POU2F2: variants seen among roughly 807,000 people sequenced by gnomAD.
The protein encoded by POU2F2 is POU domain, class 2, transcription factor 2.
In POU2F2, 14 loss-of-function variants were observed where a neutral mutation model predicts 63.5. The ratio of observed to expected loss-of-function variants is 0.22; its 90% CI spans 0.15 to 0.34. POU2F2 has a LOEUF of 0.34. Ranked by LOEUF, POU2F2 falls within the 10% of genes least tolerant of loss-of-function variation. The pLI is 1.00. For missense variants in POU2F2, 607 were observed against 815.2 expected, an observed-to-expected ratio of 0.74 and a Z score of 3.11; for synonymous variants, 306 against 348.6, an observed-to-expected ratio of 0.88 and a Z score of 1.36.
intron 2 of POU2F2, among the ~76,000 whole-genome samples, chr19:42,137,861 G>A (rs1400726506): frequency 6.6e-6 from 1 of 152,208 alleles, no homozygotes; most frequent in African/African-American, 2.4e-5. Context: ...CCAGGCAATG[G>A]GAACAGAGGA....
At chr19:42,119,411 G>A (rs950452265) in intron 4 of POU2F2, among the ~76,000 whole-genome samples, 5 of 152,070 alleles carry the variant, frequency 3.3e-5, no homozygotes, top group Admixed American at 3.3e-4. Flanking sequence ...GCGGTGGCTC[G>A]CCCCTTAATC....
At chr19:42,137,143 T>C (rs2034030973), upstream of POU2F2, 1 of 152,184 alleles carries the variant, frequency 6.6e-6, no homozygotes, top group Non-Finnish European at 1.5e-5. Context: ...AAGCAACCCA[T>C]AGAGCTTATA....
intron 5 of POU2F2, among the ~76,000 whole-genome samples, chr19:42,115,820 T>A (rs947218748): frequency 6.6e-6 from 1 of 152,222 alleles, no homozygotes; most frequent in Non-Finnish European, 1.5e-5. Context: ...GGGTTGCAGA[T>A]GTAATCAAGT....
intron 1 of POU2F2, among the ~76,000 whole-genome samples, chr19:42,167,131 A>ATTT (rs2034668394): frequency 6.6e-6 from 1 of 152,208 alleles, no homozygotes; most frequent in Non-Finnish European, 1.5e-5. Context: ...CCTAAGAAGG[A>ATTT]AAATAAAGCA....
chr19:42,189,725 C>CG (rs1425569945), intron 1 of POU2F2, among the ~76,000 whole-genome samples: 1 of 151,728 alleles, frequency 6.6e-6, no homozygotes, highest in African/African-American at 2.4e-5. Flanking sequence ...TTGAGTGCGG[C>CG]GGGGGGAGTT....
chr19:42,096,037 C>T lies in POU2F2; in HGVS notation c.729+45G>A, dbSNP rs757596292. On this transcript the variant is annotated intron_variant, in intron 8 of 14. Transcript: ENST00000692977. The surrounding 1 kb of genome is among the most constrained non-coding windows in gnomAD (Gnocchi z 4.1). ...GCCCCTCGCGGCATCTATCAACTGG[C>T]CACGCCCCCACGCCCACCGCCCAGC... 6.2e-7 allele frequency: 1 copy of T among 1,609,178 alleles called. No homozygotes were observed. The highest frequency in any genetic ancestry group is 8.5e-7 in the Non-Finnish European group (1 of 1,177,790).
chr19:42,131,019 G>C (rs1388799660), intron 1 of POU2F2, among the ~76,000 whole-genome samples: 1 of 118,852 alleles, frequency 8.4e-6, no homozygotes, highest in African/African-American at 3.4e-5. Flanking sequence ...CCTCTGCTTG[G>C]GGCCTCCCTC....
At chr19:42,099,248 T>G in intron 7 of POU2F2, 1 of 375,932 alleles carries the variant, frequency 2.7e-6, no homozygotes, top group African/African-American at 2.0e-5. Flanking sequence ...TTTGGGGGAA[T>G]GGGGATCAGA....
At chr19:42,105,567 G>C (rs2077305842) in intron 5 of POU2F2, among the ~76,000 whole-genome samples, 1 of 152,160 alleles carries the variant, frequency 6.6e-6, no homozygotes, top group South Asian at 2.1e-4. Context: ...GTGTCTGTGG[G>C]TTTCGTTCTG....
chr19:42,096,008 C>T lies in POU2F2; in HGVS notation c.729+74G>A. 1 of 1,597,502 alleles carries T rather than the reference C, an allele frequency of 6.3e-7. No homozygotes were observed. Among genetic ancestry groups the T allele is most frequent in the Non-Finnish European group, 8.5e-7 (1 of 1,173,288 alleles). Reference sequence around the variant, plus strand: ...TGGGCCCGCTCCGCCCGCCCACTGGCCACGCCCCTCGCGGCATCTATCAAC... The same window carrying T: ...TGGGCCCGCTCCGCCCGCCCACTGGTCACGCCCCTCGCGGCATCTATCAAC... On this transcript the variant is annotated intron_variant, in intron 8 of 14. Transcript: ENST00000692977. The surrounding 1 kb of genome is among the most constrained non-coding windows in gnomAD (Gnocchi z 4.1).
chr19:42,174,391 C>G (rs886825912), intron 1 of POU2F2, among the ~76,000 whole-genome samples: 2 of 152,238 alleles, frequency 1.3e-5, no homozygotes, highest in Non-Finnish European at 2.9e-5. Context: ...TGAAGCCAGA[C>G]TCGGCACATG....
chr19:42,172,499 G>A (rs1445826648), intron 1 of POU2F2, among the ~76,000 whole-genome samples: 2 of 152,150 alleles, frequency 1.3e-5, no homozygotes, highest in Non-Finnish European at 1.5e-5. Flanking sequence ...GCCTCCTTCC[G>A]AATGCGTCAG....
At chr19:42,118,889 G>A (rs575691741) in intron 4 of POU2F2, among the ~76,000 whole-genome samples, 88 of 152,340 alleles carry the variant, frequency 5.8e-4, no homozygotes, top group African/African-American at 2.0e-3. Flanking sequence ...TGGCAGGGGG[G>A]TGATATTTGG....
intron 5 of POU2F2, among the ~76,000 whole-genome samples, chr19:42,112,489 C>A (rs2031257288): frequency 6.6e-6 from 1 of 152,218 alleles, no homozygotes; most frequent in South Asian, 2.1e-4. Context: ...CTTGCCTCAG[C>A]CACCCGAGTA....
At position 42,155,583 on chromosome 19, in the gene POU2F2, CTG is replaced by C. The variant is rs2034442737; in HGVS notation, c.-9+4747_-9+4748del. The C allele has an allele frequency of 6.6e-6, 1 of 152,386 alleles. No individual in the cohort carries two copies. Among genetic ancestry groups the C allele is most frequent in the African/African-American group, 2.4e-5 (1 of 41,436 alleles). The allele number at this position is 152,386 out of a possible 1,614,324, so 9.4% of individuals were successfully genotyped here. On this transcript the variant is annotated intron_variant, in intron 2 of 6. Transcript: ENST00000524801. The surrounding 1 kb of genome is among the most constrained non-coding windows in gnomAD (Gnocchi z 4.2). ...GTTTGAGAAAAGCAAGGGTGGATCA[CTG>C]TGTAAAGGACCTCAGAAGCTGTCCT...
chr19:42,129,686 G>A (rs1450380766), intron 1 of POU2F2, among the ~76,000 whole-genome samples: 2 of 152,134 alleles, frequency 1.3e-5, no homozygotes, highest in Non-Finnish European at 1.5e-5. Context: ...GTGCTGCCGG[G>A]AACCTCTGTG....
intron 1 of POU2F2, among the ~76,000 whole-genome samples, chr19:42,127,776 ACTGT>A (rs1473541071): frequency 3.3e-5 from 5 of 151,734 alleles, no homozygotes; most frequent in Admixed American, 6.6e-5. Context: ...TTCCCTTGTC[ACTGT>A]CTTAGAGGCT....
chr19:42,191,498 C>T (rs1385803928), intron 1 of POU2F2, among the ~76,000 whole-genome samples: 1 of 151,530 alleles, frequency 6.6e-6, no homozygotes, highest in African/African-American at 2.5e-5. Flanking sequence ...TCAACCCTGC[C>T]CACACCTCTG....
At chr19:42,187,645 C>T (rs945544150) in intron 1 of POU2F2, among the ~76,000 whole-genome samples, 2 of 150,864 alleles carry the variant, frequency 1.3e-5, no homozygotes, top group African/African-American at 2.4e-5. Flanking sequence ...GCCTGTAATC[C>T]AAGCTACTTG....
Sources: gnomAD v4.1 joint callset for allele counts (sites outside exome capture counted in the v4.1 genomes callset) on GRCh38, gnomAD v4.1.1 for gene constraint, Gnocchi (gnomAD v3.1) non-coding constraint, MANE v1.5 for transcripts, NCBI Gene and HGNC (gene_info 2026-07-23, HGNC 2026-07-21) for gene names.